MAF: variants seen among roughly 807,000 people sequenced by gnomAD.
MAF encodes the protein transcription factor Maf.
MAF carries 10 observed loss-of-function variants against 22.0 expected under a neutral mutation model. The observed-to-expected ratio is 0.45, with a 90% confidence interval of 0.28 to 0.77. MAF has a LOEUF of 0.77. MAF is among the 30% of genes least tolerant of loss of function. The pLI is 0.12. For missense variants in MAF, 544 were observed against 548.4 expected (o/e 0.99, Z 0.08); for synonymous variants, 337 against 255.8 (o/e 1.32, Z -3.03).
At chr16:79,393,366 A>G in the MAF span, among the ~76,000 whole-genome samples, 340 of 152,348 alleles carry the variant, frequency 2.2e-3, no homozygotes, top group African/African-American at 8.0e-3. Context: ...GCTGGCCAGC[A>G]TTCCTGAGTG....
chr16:79,596,120 G>C, intron 1 of MAF: 1 of 1,062,046 alleles, frequency 9.4e-7, no homozygotes, highest in Non-Finnish European at 1.1e-6. Flanking sequence ...ATATTTGTCC[G>C]GCTCCTCTGT....
the MAF span, among the ~76,000 whole-genome samples, chr16:79,576,974 A>G: frequency 4.4e-4 from 67 of 152,212 alleles, no homozygotes; most frequent in Non-Finnish European, 7.9e-4. Context: ...TATCTTCACT[A>G]TCCAGTAATT....
At chr16:79,416,455 C>T in the MAF span, among the ~76,000 whole-genome samples, 1 of 143,866 alleles carries the variant, frequency 7.0e-6, no homozygotes, top group Admixed American at 7.1e-5. Flanking sequence ...TGATACACTA[C>T]ATTTGCAAGA....
the MAF span, among the ~76,000 whole-genome samples, chr16:79,573,533 A>G: frequency 6.6e-6 from 1 of 152,206 alleles, no homozygotes; most frequent in Non-Finnish European, 1.5e-5. Context: ...TTATGTTTTT[A>G]ACTGTCTTAA....
chr16:79,273,141 A>G, the MAF span, among the ~76,000 whole-genome samples: 1 of 152,068 alleles, frequency 6.6e-6, no homozygotes, highest in African/African-American at 2.4e-5. Flanking sequence ...ATTTAGTCAG[A>G]CCTTCAGGGA....
At chr16:79,291,883 A>C in the MAF span, among the ~76,000 whole-genome samples, 1 of 150,530 alleles carries the variant, frequency 6.6e-6, no homozygotes, top group Non-Finnish European at 1.5e-5. Flanking sequence ...CTCACCTTGC[A>C]TAGAGAATTG....
chr16:79,501,950 G>C, the MAF span, among the ~76,000 whole-genome samples: 4 of 152,026 alleles, frequency 2.6e-5, no homozygotes, highest in Admixed American at 2.0e-4. Flanking sequence ...TTCTCTTTTT[G>C]GACTTCTGAG....
At chr16:79,350,739 C>G in the MAF span, among the ~76,000 whole-genome samples, 1 of 152,150 alleles carries the variant, frequency 6.6e-6, no homozygotes, top group East Asian at 1.9e-4. Context: ...CTGCAGGGAC[C>G]TGCCCTGGGA....
At chr16:79,387,943 G>A in the MAF span, among the ~76,000 whole-genome samples, 2 of 152,172 alleles carry the variant, frequency 1.3e-5, no homozygotes, top group Admixed American at 1.3e-4. Flanking sequence ...GTTCATAGTA[G>A]GTTGTGAATA....
At chr16:79,445,778 G>T in the MAF span, among the ~76,000 whole-genome samples, 1 of 152,176 alleles carries the variant, frequency 6.6e-6, no homozygotes, top group African/African-American at 2.4e-5. Flanking sequence ...TCCAATTCCC[G>T]GAGGCCCTTT....
the MAF span, among the ~76,000 whole-genome samples, chr16:79,310,708 GC>G: frequency 6.6e-6 from 1 of 152,198 alleles, no homozygotes; most frequent in Non-Finnish European, 1.5e-5. Flanking sequence ...TCCCTCTGTG[GC>G]CATTTTGGGC....
the MAF span, among the ~76,000 whole-genome samples, chr16:79,524,469 A>C: frequency 6.6e-6 from 1 of 152,238 alleles, no homozygotes; most frequent in Non-Finnish European, 1.5e-5. Flanking sequence ...GGAGCTCGGC[A>C]TGAGATCCCA....
chr16:79,424,342 C>G, the MAF span, among the ~76,000 whole-genome samples: 1 of 152,172 alleles, frequency 6.6e-6, no homozygotes, highest in South Asian at 2.1e-4. Context: ...TTCAATACCA[C>G]CGGCCAGCTT....
the MAF span, among the ~76,000 whole-genome samples, chr16:79,391,187 T>C: frequency 1.3e-5 from 2 of 152,202 alleles, no homozygotes; most frequent in African/African-American, 4.8e-5. Flanking sequence ...CTCTAAGACC[T>C]TGGGCAAATT....
the MAF span, among the ~76,000 whole-genome samples, chr16:79,416,864 A>G: frequency 2.6e-5 from 4 of 152,204 alleles, no homozygotes; most frequent in Middle Eastern, 3.2e-3. Flanking sequence ...GAAGTGTTAT[A>G]TAGTTTTAGG....
chr16:79,372,114 G>A, the MAF span, among the ~76,000 whole-genome samples: 1 of 147,968 alleles, frequency 6.8e-6, no homozygotes. Flanking sequence ...CCAGTTTCAG[G>A]CTATAATTTC....
chr16:79,253,346 G>C, the MAF span, among the ~76,000 whole-genome samples: 1 of 152,164 alleles, frequency 6.6e-6, no homozygotes, highest in East Asian at 1.9e-4. Flanking sequence ...CTGGACTAAA[G>C]TGTTGTTTGC....
the MAF span, among the ~76,000 whole-genome samples, chr16:79,376,873 A>G: frequency 6.6e-6 from 1 of 152,230 alleles, no homozygotes; most frequent in Non-Finnish European, 1.5e-5. Flanking sequence ...TTATGGCTGC[A>G]TAGTATTCCA....
the MAF span, among the ~76,000 whole-genome samples, chr16:79,462,007 T>C: frequency 2.0e-5 from 3 of 152,158 alleles, no homozygotes; most frequent in Non-Finnish European, 2.9e-5. Flanking sequence ...TTCCAGGAGT[T>C]TCCCTGCAAA....
Sources: gnomAD v4.1 joint callset for allele counts (sites outside exome capture counted in the v4.1 genomes callset) on GRCh38, gnomAD v4.1.1 for gene constraint, MANE v1.5 for transcripts, NCBI Gene and HGNC (gene_info 2026-07-23, HGNC 2026-07-21) for gene names.